SORCS2: variants seen among roughly 807,000 people sequenced by gnomAD.
The protein encoded by SORCS2 is sortilin related VPS10 domain containing receptor 2, also known as VPS10 domain-containing receptor SorCS2.
A neutral mutation model predicts 141.6 loss-of-function variants in SORCS2; 100 were observed. That is an observed-to-expected ratio of 0.71 (90% confidence interval 0.60 to 0.83). SORCS2 has a LOEUF of 0.83. Ranked by LOEUF, SORCS2 falls within the 40% of genes least tolerant of loss-of-function variation. The probability of loss-of-function intolerance (pLI) is 0.00; values close to 1 mark genes in which losing one functional copy is unlikely to be tolerated. For missense variants in SORCS2, 1,646 were observed against 1,560.2 expected (o/e 1.05, Z -0.93); for synonymous variants, 789 against 676.9 (o/e 1.17, Z -2.57).
At chr4:7,262,564 A>G (rs901989949) in intron 1 of SORCS2, among the ~76,000 whole-genome samples, 1 of 152,242 alleles carries the variant, frequency 6.6e-6, no homozygotes. Flanking sequence ...AACAAATATG[A>G]TTCCCAGGTA....
rs1366934507 is a variant in SORCS2 at position 7,396,365 on chromosome 4, C to T, written c.548+10C>T. ...AAAGTTCTCTGTGGCGGTAAGTCAG[C>T]CCGATGGCAGGCCTTTCTCTTATGC... On this transcript the variant is annotated intron_variant, in intron 2 of 26. Coordinates refer to ENST00000507866, the MANE Select transcript of SORCS2 (RefSeq NM_020777.3). The T allele has an allele frequency of 6.2e-7, 1 of 1,613,628 alleles. No homozygotes were observed. Among genetic ancestry groups the T allele is most frequent in the South Asian group, 1.1e-5 (1 of 90,968 alleles).
chr4:7,392,325 G>T (rs901244781), intron 1 of SORCS2, among the ~76,000 whole-genome samples: 1 of 152,172 alleles, frequency 6.6e-6, no homozygotes, highest in African/African-American at 2.4e-5. Context: ...GGAGGAGCGG[G>T]TGATGGGCTC....
At chr4:7,691,804 C>T (rs903735970) in intron 11 of SORCS2, among the ~76,000 whole-genome samples, 1 of 152,008 alleles carries the variant, frequency 6.6e-6, no homozygotes. Flanking sequence ...AAATTCTTGA[C>T]CAAAGTGCAA....
At chr4:7,270,356 C>G (rs6825969) in intron 1 of SORCS2, among the ~76,000 whole-genome samples, 37,683 of 152,288 alleles carry the variant, frequency 0.25, 5,172 homozygotes, top group Non-Finnish European at 0.32. Context: ...GCTGCGTTCA[C>G]CCTTGCAGGG....
chr4:7,689,721 C>A, intron 11 of SORCS2, 133 bp downstream of exon 11: 1 of 778,124 alleles, frequency 1.3e-6, no homozygotes. Context: ...ACCACTGCAT[C>A]TCCAGGAAGC....
chr4:7,309,784 C>G (rs923745102), intron 1 of SORCS2, among the ~76,000 whole-genome samples: 2 of 152,160 alleles, frequency 1.3e-5, no homozygotes. Context: ...TGTGTCCAGG[C>G]TGGGGAGAGG....
At chr4:7,389,206 A>G (rs1315240212) in intron 1 of SORCS2, among the ~76,000 whole-genome samples, 1 of 152,148 alleles carries the variant, frequency 6.6e-6, no homozygotes, top group African/African-American at 2.4e-5. Context: ...GTCTTCGTCC[A>G]TGTTGGCTGG....
chr4:7,337,080 C>T (rs1398288302), intron 1 of SORCS2, among the ~76,000 whole-genome samples: 1 of 152,166 alleles, frequency 6.6e-6, no homozygotes, highest in Non-Finnish European at 1.5e-5. Context: ...TCCAGTTCTC[C>T]GTGTCAGAGT....
At chr4:7,593,682 G>C (rs917427877) in intron 3 of SORCS2, among the ~76,000 whole-genome samples, 5 of 152,328 alleles carry the variant, frequency 3.3e-5, no homozygotes, top group African/African-American at 1.2e-4. Flanking sequence ...GCCCCAGGCG[G>C]GTAATGGGAA....
At chr4:7,512,875 C>A (rs1243294583) in intron 2 of SORCS2, among the ~76,000 whole-genome samples, 1 of 152,128 alleles carries the variant, frequency 6.6e-6, no homozygotes, top group African/African-American at 2.4e-5. Flanking sequence ...AAAGCCCAGG[C>A]TGCCCTGCGG....
intron 1 of SORCS2, among the ~76,000 whole-genome samples, chr4:7,391,011 T>C (rs962351582): frequency 1.3e-5 from 2 of 152,210 alleles, no homozygotes; most frequent in Non-Finnish European, 2.9e-5. Flanking sequence ...TTCTGATTTC[T>C]GGTCTAAGTT....
intron 1 of SORCS2, among the ~76,000 whole-genome samples, chr4:7,239,885 T>G (rs1385872770): frequency 6.6e-6 from 1 of 152,218 alleles, no homozygotes; most frequent in Admixed American, 6.5e-5. Context: ...TCATCTTTGT[T>G]GAAACTGCTT....
rs142530703 is a variant in SORCS2, at chr4:7,407,300, G to A, written c.548+10945G>A. Among the ~76,000 whole-genome samples, 217 of 152,138 alleles carry A rather than the reference G, an allele frequency of 1.4e-3. 1 individual carries two copies. Among genetic ancestry groups the A allele is most frequent in the Non-Finnish European group, 2.4e-3 (166 of 67,934 alleles). ...AGTGTTAAAGTCCCCTGCTGTTACT[G>A]TATTTCAGTCTATCTCTTCCTTTAG... is the stretch of plus-strand genomic sequence containing the variant. On this transcript the variant is annotated intron_variant, in intron 2 of 26. Coordinates refer to ENST00000507866, the MANE Select transcript of SORCS2 (RefSeq NM_020777.3).
rs1299827624 is a variant in SORCS2 at position 7,695,876 on chromosome 4, G to GTGGATGGATGGA, written c.1592-1284_1592-1273dup. Among the ~76,000 whole-genome samples, 18 of 27,690 alleles carry GTGGATGGATGGA rather than the reference G, an allele frequency of 6.5e-4. 1 individual carries two copies. The highest frequency in any genetic ancestry group is 2.2e-3 in the African/African-American group (16 of 7,222). The allele number at this position is 27,690 out of a possible 152,430, so 18.2% of individuals were successfully genotyped here. On this transcript the variant is annotated intron_variant, in intron 11 of 26. Coordinates refer to ENST00000507866, the MANE Select transcript of SORCS2 (RefSeq NM_020777.3). ...GGTGGATGGGTGGATGGGTGGGTGG[G>GTGGATGGATGGA]TGGATGGATGGATGGATGGATGGAT...
chr4:7,715,214 G>A lies in SORCS2; in HGVS notation c.2155G>A (p.Glu719Lys). The change falls in exon 17 of 27, where the codon GAG becomes AAG. Residue 719 changes from glutamate (E) to lysine (K), a missense_variant. By Grantham distance (56) the Glu-to-Lys change is moderately conservative. Transcript: ENST00000507866. ...DYGFERSSSS[E>K]SSTNKCSANF... The stretch of plus-strand genomic sequence containing the variant: ...CGGATTTGAGCGCTCCTCCTCCTCA[G>A]AGTCCAGCACCAACAAGTGCTCTGC... The A allele has an allele frequency of 6.2e-7, 1 of 1,613,942 alleles. No homozygotes were observed. Among genetic ancestry groups the A allele is most frequent in the South Asian group, 1.1e-5 (1 of 91,076 alleles).
intron 1 of SORCS2, among the ~76,000 whole-genome samples, chr4:7,207,222 T>C (rs1219691713): frequency 6.6e-6 from 1 of 152,176 alleles, no homozygotes; most frequent in African/African-American, 2.4e-5. Flanking sequence ...TTTTCATTCT[T>C]TGTCTGTGAA....
chr4:7,443,542 T>C (rs1000408146), intron 2 of SORCS2, among the ~76,000 whole-genome samples: 5 of 152,180 alleles, frequency 3.3e-5, no homozygotes, highest in African/African-American at 1.2e-4. Flanking sequence ...ACGCTGAAAC[T>C]TCCAGCCACA....
At chr4:7,265,941 T>C (rs1005604872) in intron 1 of SORCS2, among the ~76,000 whole-genome samples, 5 of 152,064 alleles carry the variant, frequency 3.3e-5, no homozygotes, top group Non-Finnish European at 2.9e-5. Context: ...AAGTTGTTTG[T>C]CGAAAAACAG....
intron 1 of SORCS2, among the ~76,000 whole-genome samples, chr4:7,395,160 G>T (rs117281783): frequency 7.1e-6 from 1 of 140,650 alleles, no homozygotes; most frequent in Non-Finnish European, 1.5e-5. Context: ...GTCCCATCTC[G>T]GGCAACAGCC....
Sources: gnomAD v4.1 joint callset for allele counts (sites outside exome capture counted in the v4.1 genomes callset) on GRCh38, gnomAD v4.1.1 for gene constraint, MANE v1.5 for transcripts, NCBI Gene and HGNC (gene_info 2026-07-23, HGNC 2026-07-21) for gene names.